The following FRMD4A variants were observed in gnomAD, a reference collection of about 807,000 sequenced individuals.
FRMD4A encodes the protein FERM domain-containing protein 4A.
Under a neutral mutation model 129.1 loss-of-function variants are expected in FRMD4A, and 29 were observed. That is an observed-to-expected ratio of 0.22 (90% CI 0.17 to 0.31). The LOEUF is 0.31. FRMD4A is among the 10% of genes least tolerant of loss of function. FRMD4A has a pLI of 1.00. For missense variants in FRMD4A, 1,272 were observed against 1,375.8 expected (o/e 0.92, Z 1.19); for synonymous variants, 634 against 571.6 (o/e 1.11, Z -1.56).
intron 17 of FRMD4A, among the ~76,000 whole-genome samples, chr10:13,670,189 A>G (rs561939567): frequency 6.6e-6 from 1 of 152,332 alleles, no homozygotes; most frequent in African/African-American, 2.4e-5. Flanking sequence ...CAGACAAGCA[A>G]CTTCGACAGA....
intron 12 of FRMD4A, among the ~76,000 whole-genome samples, chr10:13,719,887 A>T (rs1230742384): frequency 6.6e-6 from 1 of 152,208 alleles, no homozygotes; most frequent in East Asian, 1.9e-4. Flanking sequence ...TTTTGGTGCT[A>T]TGGACAAAAA....
intron 2 of FRMD4A, among the ~76,000 whole-genome samples, chr10:14,036,604 T>C (rs1833513522): frequency 6.6e-6 from 1 of 152,202 alleles, no homozygotes. Context: ...TCTAAGCACA[T>C]GCTTGAGAGG....
At chr10:13,772,972 C>T (rs746452530) in intron 6 of FRMD4A, among the ~76,000 whole-genome samples, 4 of 152,138 alleles carry the variant, frequency 2.6e-5, no homozygotes, top group Non-Finnish European at 5.9e-5. Flanking sequence ...GTTTGTAACA[C>T]AAAGGATAAA....
intron 3 of FRMD4A, among the ~76,000 whole-genome samples, chr10:13,811,884 GTTTT>G (rs775972279): frequency 1.5e-5 from 2 of 134,794 alleles, no homozygotes; most frequent in Admixed American, 7.7e-5. Flanking sequence ...TTATCTGTTG[GTTTT>G]TTTTTTTTTT....
At chr10:13,856,013 A>ACTATCTATCTATCAT (rs1554941333) in intron 3 of FRMD4A, among the ~76,000 whole-genome samples, 6 of 147,950 alleles carry the variant, frequency 4.1e-5, no homozygotes, top group African/African-American at 1.2e-4. Flanking sequence ...ACACACAAAT[A>ACTATCTATCTATCAT]CTATCTATCT....
intron 8 of FRMD4A, among the ~76,000 whole-genome samples, 167 bp downstream of exon 8, chr10:13,761,480 T>A (rs1368905728): frequency 1.3e-5 from 2 of 152,252 alleles, no homozygotes; most frequent in African/African-American, 4.8e-5. Context: ...CTATATTTTC[T>A]CCACCTGATC....
chr10:14,018,693 A>G (rs1310006685), intron 2 of FRMD4A, among the ~76,000 whole-genome samples: 1 of 152,270 alleles, frequency 6.6e-6, no homozygotes, highest in South Asian at 2.1e-4. Context: ...GATTATTGCA[A>G]TTGTCCAAAT....
chr10:13,827,037 A>G (rs1277454612), intron 3 of FRMD4A, among the ~76,000 whole-genome samples: 6 of 152,186 alleles, frequency 3.9e-5, no homozygotes, highest in Non-Finnish European at 7.3e-5. Flanking sequence ...GGTTTACGGA[A>G]TTCAAAATAG....
intron 12 of FRMD4A, among the ~76,000 whole-genome samples, chr10:13,733,814 C>T (rs73583664): frequency 0.015 from 2,241 of 152,322 alleles, 64 homozygotes; most frequent in African/African-American, 0.05. Flanking sequence ...GCCCATGCAA[C>T]GGAAGCTGCC....
intron 2 of FRMD4A, among the ~76,000 whole-genome samples, chr10:13,927,586 A>G (rs1269221173): frequency 1.3e-5 from 2 of 152,330 alleles, no homozygotes; most frequent in East Asian, 3.9e-4. Context: ...TAGCCAAAAA[A>G]TACCCTTTGC....
intron 4 of FRMD4A, among the ~76,000 whole-genome samples, chr10:13,804,460 C>G (rs751004962): frequency 6.6e-6 from 1 of 152,178 alleles, no homozygotes; most frequent in Admixed American, 6.5e-5. Context: ...GACCCAAGCT[C>G]GCTCCCGTGC....
intron 2 of FRMD4A, among the ~76,000 whole-genome samples, chr10:14,304,570 T>C (rs1846284942): frequency 6.6e-6 from 1 of 152,158 alleles, no homozygotes; most frequent in Non-Finnish European, 1.5e-5. Context: ...ATCGAGGAGG[T>C]GCCATTTCTC....
chr10:14,202,258 C>T lies in FRMD4A; in HGVS notation c.45+127800G>A, dbSNP rs543250664. Among the ~76,000 whole-genome samples, 23 of 152,254 alleles carry T rather than the reference C, an allele frequency of 1.5e-4. No homozygotes were observed. The East Asian group carries it at 3.9e-3, about 25-fold the overall frequency. ...CAGGCAGAAGCCTTCCTGTCTGTGC[C>T]CCAGCCTGACTTTGTGATGACACAG... On this transcript the variant is annotated intron_variant, in intron 2 of 24. Transcript: ENST00000357447.
At chr10:13,865,512 G>A (rs1244792264) in intron 2 of FRMD4A, among the ~76,000 whole-genome samples, 1 of 149,418 alleles carries the variant, frequency 6.7e-6, no homozygotes, top group Non-Finnish European at 1.5e-5. Flanking sequence ...GTGCGTTGGT[G>A]CTATCATAGC....
At chr10:14,127,962 CTTTCTTTCTTTCTTTCCT>C (rs1424980282) in intron 2 of FRMD4A, among the ~76,000 whole-genome samples, 3,548 of 42,856 alleles carry the variant, frequency 0.083, 177 homozygotes, top group African/African-American at 0.13. Context: ...TTCTTTCTTT[CTTTCTTTCTTTCTTTCCT>C]TCTCTCTCTC....
At chr10:14,073,420 T>A (rs1345788567) in intron 2 of FRMD4A, among the ~76,000 whole-genome samples, 1 of 152,108 alleles carries the variant, frequency 6.6e-6, no homozygotes. Flanking sequence ...ATTCCTTGAG[T>A]TCCTAGGTGA....
chr10:13,890,874 C>T (rs2027551), intron 2 of FRMD4A: 977,132 of 984,950 alleles, frequency 0.99, 485,127 homozygotes, highest in Non-Finnish European at 1. Flanking sequence ...ACAGCCATCC[C>T]TTGGAAATTT....
chr10:13,680,750 T>TA (rs1312643327), intron 15 of FRMD4A, among the ~76,000 whole-genome samples: 1 of 150,990 alleles, frequency 6.6e-6, no homozygotes, highest in Admixed American at 6.6e-5. Flanking sequence ...AAAAAAAGTT[T>TA]AAAAAAAGGA....
intron 2 of FRMD4A, among the ~76,000 whole-genome samples, chr10:14,094,284 G>A (rs1836821227): frequency 6.6e-6 from 1 of 152,228 alleles, no homozygotes; most frequent in Admixed American, 6.5e-5. Context: ...TATAGAGAAA[G>A]GGTGCGTGGA....
Sources: gnomAD v4.1 joint callset for allele counts (sites outside exome capture counted in the v4.1 genomes callset) on GRCh38, gnomAD v4.1.1 for gene constraint, MANE v1.5 for transcripts, NCBI Gene and HGNC (gene_info 2026-07-23, HGNC 2026-07-21) for gene names.